Variants in NRG3 observed in about 807,000 individuals in gnomAD.
The protein encoded by NRG3 is pro-neuregulin-3, membrane-bound isoform.
A neutral mutation model predicts 66.9 loss-of-function variants in NRG3; 31 were observed. The observed-to-expected ratio is 0.46, with a 90% CI of 0.35 to 0.63. The LOEUF is 0.63. Among genes scored for constraint, NRG3 ranks in the 20% least tolerant of loss-of-function variants. The pLI is 0.00. For missense variants in NRG3, 910 were observed against 878.9 expected (o/e 1.04, Z -0.45); for synonymous variants, 393 against 359.4 (o/e 1.09, Z -1.06).
intron 1 of NRG3, among the ~76,000 whole-genome samples, chr10:82,255,942 G>A (rs1415220215): frequency 6.6e-6 from 1 of 150,430 alleles, no homozygotes; most frequent in East Asian, 2.0e-4. Flanking sequence ...TTTTTTTCTT[G>A]AGATGGAGTC....
chr10:82,183,772 C>T (rs1353047108), intron 1 of NRG3, among the ~76,000 whole-genome samples: 2 of 151,946 alleles, frequency 1.3e-5, no homozygotes, highest in Non-Finnish European at 2.9e-5. Context: ...CTTAAATATA[C>T]AAAACAATCT....
intron 1 of NRG3, among the ~76,000 whole-genome samples, chr10:82,279,590 T>C (rs1417706742): frequency 6.6e-6 from 1 of 152,216 alleles, no homozygotes; most frequent in Middle Eastern, 3.2e-3. Context: ...TAAAGTTGTT[T>C]TGCATTAATG....
intron 3 of NRG3, among the ~76,000 whole-genome samples, chr10:82,771,986 C>T (rs1011951071): frequency 6.6e-6 from 1 of 152,060 alleles, no homozygotes; most frequent in Non-Finnish European, 1.5e-5. Context: ...CTATTTCCTT[C>T]TTCATTGTCA....
rs1173579811 is a variant in NRG3, at chr10:82,468,298, G to A, written c.953+109430G>A. Among the ~76,000 whole-genome samples the A allele has an allele frequency of 2.0e-5, 3 of 152,164 alleles. No homozygotes were observed. In the South Asian group the frequency reaches 6.2e-4, roughly 32 times the overall value. Reference sequence around the variant, plus strand: ...TGCATGAGAAGGGTGGGCGCCTATGGCAGGAGGTTTAATAACTATGAACTG... The same window carrying A: ...TGCATGAGAAGGGTGGGCGCCTATGACAGGAGGTTTAATAACTATGAACTG... On this transcript the variant is annotated intron_variant, in intron 2 of 8. Coordinates refer to ENST00000372141, the MANE Select transcript of NRG3 (RefSeq NM_001010848.4).
intron 3 of NRG3, among the ~76,000 whole-genome samples, chr10:82,864,547 A>G (rs1281981546): frequency 6.6e-6 from 1 of 152,176 alleles, no homozygotes; most frequent in Non-Finnish European, 1.5e-5. Context: ...AAAAATGTTA[A>G]TTAATGCAAT....
Position 82,413,436 on chromosome 10 carries a change from A to C in NRG3, c.953+54568A>C, listed in dbSNP as rs533264684. The stretch of plus-strand genomic sequence containing the variant: ...GCTGTAAACAGATATGCTGCCATCC[A>C]GGCTTTGCCATTCTATTTATAGAGC... On this transcript the variant is annotated intron_variant, in intron 2 of 8. Coordinates refer to ENST00000372141, the MANE Select transcript of NRG3 (RefSeq NM_001010848.4). Among the ~76,000 whole-genome samples, 3 of 152,290 alleles carry C rather than the reference A, an allele frequency of 2.0e-5. No individual in the cohort carries two copies. The South Asian group carries it at 6.2e-4, about 32-fold the overall frequency.
intron 1 of NRG3, among the ~76,000 whole-genome samples, chr10:82,217,031 T>G (rs79908214): frequency 0.018 from 2,760 of 152,340 alleles, 77 homozygotes; most frequent in African/African-American, 0.063. Context: ...TTTAGATAAT[T>G]GTTTCACAAT....
chr10:82,762,559 G>T (rs1591445234), intron 3 of NRG3, among the ~76,000 whole-genome samples: 1 of 152,256 alleles, frequency 6.6e-6, no homozygotes, highest in East Asian at 1.9e-4. Context: ...GAATAGTAAT[G>T]CAGAAATGTG....
intron 1 of NRG3, among the ~76,000 whole-genome samples, chr10:82,294,434 AGTGTGTGTGTGTGTGTGT>A (rs35072007): frequency 4.7e-5 from 7 of 149,176 alleles, no homozygotes; most frequent in East Asian, 4.0e-4. Flanking sequence ...CTACTGATGA[AGTGTGTGTGTGTGTGTGT>A]GTGTGTGTGT....
intron 2 of NRG3, among the ~76,000 whole-genome samples, chr10:82,471,357 G>A (rs887265223): frequency 1.3e-5 from 2 of 151,944 alleles, no homozygotes; most frequent in African/African-American, 4.8e-5. Context: ...GGCTCTCTGG[G>A]GATCTCTTTA....
intron 1 of NRG3, among the ~76,000 whole-genome samples, chr10:82,047,007 C>T (rs979868569): frequency 1.5e-5 from 2 of 129,688 alleles, no homozygotes; most frequent in African/African-American, 5.0e-5. Flanking sequence ...CAATGTTCAT[C>T]AAGGATATTG....
Position 82,764,487 on chromosome 10 carries a change from C to T in NRG3, c.1027+25837C>T, listed in dbSNP as rs186152471. Among the ~76,000 whole-genome samples the T allele has an allele frequency of 4.9e-3, 747 of 151,596 alleles. 3 individuals carry two copies. The highest frequency in any genetic ancestry group is 0.014 in the African/African-American group (580 of 41,256). ...AAGCGATTCTCCTGCCTCAGCCTCC[C>T]GAGTAGCTGAGATTACAGGCACCCA... On this transcript the variant is annotated intron_variant, in intron 3 of 8. Coordinates refer to ENST00000372141, the MANE Select transcript of NRG3 (RefSeq NM_001010848.4).
At chr10:82,079,583 A>G (rs1179450046) in intron 1 of NRG3, among the ~76,000 whole-genome samples, 1 of 152,148 alleles carries the variant, frequency 6.6e-6, no homozygotes, top group Non-Finnish European at 1.5e-5. Flanking sequence ...CCAATACAGA[A>G]TAGTTTCATT....
intron 2 of NRG3, among the ~76,000 whole-genome samples, chr10:82,499,940 A>G (rs915331868): frequency 6.6e-6 from 1 of 152,192 alleles, no homozygotes; most frequent in Non-Finnish European, 1.5e-5. Flanking sequence ...AACATCTTGT[A>G]CAAAACTCTC....
intron 1 of NRG3, among the ~76,000 whole-genome samples, chr10:82,018,861 T>A (rs1488595994): frequency 1.3e-5 from 2 of 152,174 alleles, no homozygotes; most frequent in African/African-American, 4.8e-5. Flanking sequence ...TTTCTAGATA[T>A]ACAATCATGT....
chr10:82,856,110 G>A (rs147687647), intron 3 of NRG3, among the ~76,000 whole-genome samples: 3 of 152,198 alleles, frequency 2.0e-5, no homozygotes, highest in African/African-American at 7.2e-5. Flanking sequence ...CATGTTGCTT[G>A]GAATCATCAA....
chr10:82,925,076 A>G (rs887529710), intron 4 of NRG3, among the ~76,000 whole-genome samples: 77 of 152,236 alleles, frequency 5.1e-4, no homozygotes, highest in Middle Eastern at 3.4e-3. Context: ...AAGCACCCCC[A>G]TTTTACAGAT....
intron 1 of NRG3, among the ~76,000 whole-genome samples, chr10:82,205,423 A>T (rs973593248): frequency 6.6e-6 from 1 of 152,222 alleles, no homozygotes; most frequent in African/African-American, 2.4e-5. Flanking sequence ...AAAGATAGCC[A>T]GACAGACTCC....
intron 1 of NRG3, among the ~76,000 whole-genome samples, chr10:82,060,470 A>G (rs1318728124): frequency 6.6e-6 from 1 of 152,144 alleles, no homozygotes; most frequent in Non-Finnish European, 1.5e-5. Context: ...TGTTCTCCCT[A>G]AGAGTAGTAA....
Sources: gnomAD v4.1 joint callset for allele counts (sites outside exome capture counted in the v4.1 genomes callset) on GRCh38, gnomAD v4.1.1 for gene constraint, MANE v1.5 for transcripts, NCBI Gene and HGNC (gene_info 2026-07-23, HGNC 2026-07-21) for gene names.